FBN2: variants seen among roughly 807,000 people sequenced by gnomAD.
FBN2 encodes fibrillin 2, also known as fibrillin-2.
In FBN2, 105 loss-of-function variants were observed where a neutral mutation model predicts 355.6. The ratio of observed to expected loss-of-function variants is 0.30; its 90% confidence interval spans 0.25 to 0.35. The LOEUF (loss-of-function observed/expected upper bound fraction) is 0.35, where lower values mean the gene tolerates loss of function less well. Ranked by LOEUF, FBN2 falls within the 10% of genes least tolerant of loss-of-function variation. The probability of loss-of-function intolerance (pLI) is 1.00; values close to 1 mark genes in which losing one functional copy is unlikely to be tolerated. For synonymous variants in FBN2, 1,350 were observed against 1,301.2 expected (o/e 1.04, Z -0.81); for missense variants, 3,280 against 3,758.7 (o/e 0.87, Z 3.33).
At chr5:128,509,228 T>C (rs1360294814) in intron 5 of FBN2, among the ~76,000 whole-genome samples, 1 of 152,182 alleles carries the variant, frequency 6.6e-6, no homozygotes, top group East Asian at 1.9e-4. Flanking sequence ...ATGTATTTAG[T>C]TTGCTGAAAG....
At chr5:128,529,548 C>A (rs1756651942) in intron 3 of FBN2, among the ~76,000 whole-genome samples, 2 of 152,234 alleles carry the variant, frequency 1.3e-5, no homozygotes, top group South Asian at 4.2e-4. Context: ...AAATTATATA[C>A]CACAAGCAAA....
intron 11 of FBN2, among the ~76,000 whole-genome samples, chr5:128,387,444 T>A (rs919353439): frequency 7.9e-5 from 12 of 152,188 alleles, no homozygotes; most frequent in Non-Finnish European, 1.5e-4. Context: ...TTGAATGTTT[T>A]TTCACATCTC....
intron 5 of FBN2, among the ~76,000 whole-genome samples, chr5:128,475,270 G>C (rs985042124): frequency 2.0e-5 from 3 of 152,132 alleles, no homozygotes; most frequent in Non-Finnish European, 2.9e-5. Flanking sequence ...GCCTGAAAAT[G>C]TGTTATTGTC....
chr5:128,332,424 A>AG (rs1054508953), intron 32 of FBN2, among the ~76,000 whole-genome samples: 15 of 152,032 alleles, frequency 9.9e-5, no homozygotes, highest in African/African-American at 3.6e-4. Context: ...GAATTTGCCT[A>AG]TTTTTTTTCT....
intron 5 of FBN2, among the ~76,000 whole-genome samples, chr5:128,472,434 G>A (rs945530919): frequency 6.6e-6 from 1 of 152,156 alleles, no homozygotes; most frequent in African/African-American, 2.4e-5. Context: ...AAAGACTTCT[G>A]TGGATGGATG....
At chr5:128,304,742 G>T (rs965187698) in intron 45 of FBN2, among the ~76,000 whole-genome samples, 1 of 151,636 alleles carries the variant, frequency 6.6e-6, no homozygotes, top group Non-Finnish European at 1.5e-5. Context: ...CGAACATATC[G>T]CAGTATGTCC....
intron 5 of FBN2, among the ~76,000 whole-genome samples, chr5:128,496,521 C>T (rs1378612673): frequency 3.9e-5 from 6 of 151,920 alleles, no homozygotes; most frequent in South Asian, 2.1e-4. Context: ...TAATAAAGGG[C>T]CTCTACAAAA....
intron 55 of FBN2, among the ~76,000 whole-genome samples, chr5:128,284,220 C>G (rs1749070590): frequency 6.6e-6 from 1 of 152,124 alleles, no homozygotes; most frequent in Admixed American, 6.5e-5. Context: ...TTTAATTTAA[C>G]CCTCCCAATA....
At chr5:128,316,760 T>C (rs1750212141) in intron 36 of FBN2, among the ~76,000 whole-genome samples, 1 of 152,236 alleles carries the variant, frequency 6.6e-6, no homozygotes, top group Admixed American at 6.5e-5. Context: ...CTAATGATTT[T>C]GGGCATTTGT....
chr5:128,405,394 G>T (rs2126995629), intron 8 of FBN2, among the ~76,000 whole-genome samples: 1 of 152,218 alleles, frequency 6.6e-6, no homozygotes, highest in East Asian at 1.9e-4. Context: ...AGGAATACAG[G>T]TTAGGTAAGG....
intron 7 of FBN2, among the ~76,000 whole-genome samples, chr5:128,418,111 T>C (rs1753253337): frequency 6.6e-6 from 1 of 152,138 alleles, no homozygotes; most frequent in Non-Finnish European, 1.5e-5. Flanking sequence ...GTTTTTTAGT[T>C]ATACCTGATT....
intron 7 of FBN2, among the ~76,000 whole-genome samples, chr5:128,445,870 G>A (rs1247506235): frequency 6.6e-6 from 1 of 152,016 alleles, no homozygotes; most frequent in Non-Finnish European, 1.5e-5. Flanking sequence ...ATTAAGAACT[G>A]CTAATGGAAT....
chr5:128,267,083 T>G (rs1317039183), intron 62 of FBN2, among the ~76,000 whole-genome samples: 1 of 152,136 alleles, frequency 6.6e-6, no homozygotes, highest in Non-Finnish European at 1.5e-5. Context: ...GTGTTTGGTT[T>G]TCTGTTCCTG....
intron 13 of FBN2, among the ~76,000 whole-genome samples, chr5:128,377,405 C>A (rs1752105174): frequency 6.6e-6 from 1 of 152,032 alleles, no homozygotes; most frequent in Admixed American, 6.6e-5. Context: ...AGTGTTGTAA[C>A]CCCAACACCT....
intron 5 of FBN2, among the ~76,000 whole-genome samples, chr5:128,474,267 A>G (rs1482176687): frequency 6.6e-6 from 1 of 152,210 alleles, no homozygotes; most frequent in Non-Finnish European, 1.5e-5. Context: ...TTTGAAGAAG[A>G]AAGTTAAAGA....
chr5:128,535,755 T>C (rs1756827608), intron 2 of FBN2, among the ~76,000 whole-genome samples: 1 of 151,322 alleles, frequency 6.6e-6, no homozygotes, highest in African/African-American at 2.4e-5. Flanking sequence ...ACTTTGGAAA[T>C]CTACTGCACA....
intron 1 of FBN2, 142 bp downstream of exon 1, chr5:128,537,208 T>C (rs2112810383): frequency 3.6e-6 from 5 of 1,406,994 alleles, no homozygotes; most frequent in East Asian, 2.5e-5. Context: ...CCTGGGGGTC[T>C]TTGGATATTC....
At chr5:128,495,763 C>G (rs1561485006) in intron 5 of FBN2, among the ~76,000 whole-genome samples, 1 of 152,052 alleles carries the variant, frequency 6.6e-6, no homozygotes, top group East Asian at 1.9e-4. Context: ...GACCCCACCT[C>G]TATAAAAAAG....
rs762566261 is a variant in FBN2 at position 128,259,803 on chromosome 5, G to C, written c.8391C>G (p.Val2797=). ...TAVEQISLES[V]DMDSPVNMKF... ...TCATGTTGACGGGGCTGTCCATGTC[G>C]ACACTCTCTAGGCTGATCTGTTCAA... The change falls in exon 65 of 65, where the codon GTC becomes GTG. Residue 2797 remains valine (V), a synonymous_variant. Coordinates refer to ENST00000262464, the MANE Select transcript of FBN2 (RefSeq NM_001999.4). The C allele has an allele frequency of 6.2e-7, 1 of 1,613,584 alleles. No homozygotes were observed. The highest frequency in any genetic ancestry group is 8.5e-7 in the Non-Finnish European group (1 of 1,179,894).
Sources: allele counts gnomAD v4.1 joint callset (sites outside exome capture counted in the v4.1 genomes callset), GRCh38; gene constraint gnomAD v4.1.1; transcripts MANE v1.5; gene names NCBI Gene and HGNC (gene_info 2026-07-23, HGNC 2026-07-21).